FBXL7: variants seen among roughly 807,000 people sequenced by gnomAD.
FBXL7 encodes F-box/LRR-repeat protein 7.
FBXL7 carries 12 observed loss-of-function variants against 38.3 expected under a neutral mutation model. The observed-to-expected ratio is 0.31, with a 90% CI of 0.20 to 0.51. FBXL7 has a LOEUF of 0.51. Ranked by LOEUF, FBXL7 falls within the 20% of genes least tolerant of loss-of-function variation. The pLI is 0.98. For missense variants in FBXL7, 567 were observed against 676.4 expected (o/e 0.84, Z 1.79); for synonymous variants, 297 against 300.9 (o/e 0.99, Z 0.13).
chr5:15,679,686 C>T (rs978180321), intron 2 of FBXL7, among the ~76,000 whole-genome samples: 11 of 151,340 alleles, frequency 7.3e-5, no homozygotes, highest in Admixed American at 3.3e-4. Flanking sequence ...TACTGGAGTA[C>T]CCCCCAAAAA....
At chr5:15,593,019 G>A (rs569462234) in intron 1 of FBXL7, among the ~76,000 whole-genome samples, 6 of 152,304 alleles carry the variant, frequency 3.9e-5, no homozygotes, top group South Asian at 2.1e-4. Context: ...TACTTAAGGC[G>A]AGGCAGTAAA....
chr5:15,518,522 A>C lies in FBXL7; in HGVS notation c.37+17809A>C, dbSNP rs537880950. ...ACGTTTGAATTGTGGCTGGGATATA[A>C]TGCCTGAAGAGGAGGGTGAGGCTTT... is the stretch of plus-strand genomic sequence containing the variant. On this transcript the variant is annotated intron_variant, in intron 1 of 3. Coordinates refer to ENST00000504595, the MANE Select transcript of FBXL7 (RefSeq NM_012304.5). Among the ~76,000 whole-genome samples the C allele has an allele frequency of 2.4e-4, 37 of 152,284 alleles. 1 individual carries two copies. The South Asian group carries it at 7.7e-3, about 32-fold the overall frequency.
chr5:15,617,111 C>A (rs369013573), intron 2 of FBXL7, among the ~76,000 whole-genome samples: 23 of 152,330 alleles, frequency 1.5e-4, no homozygotes, highest in African/African-American at 5.3e-4. Flanking sequence ...TGGTTTACAT[C>A]TGCTGGTATG....
chr5:15,551,923 G>A (rs1334114525), intron 1 of FBXL7, among the ~76,000 whole-genome samples: 2 of 152,056 alleles, frequency 1.3e-5, no homozygotes, highest in Admixed American at 6.5e-5. Context: ...CTCCTCTGTC[G>A]TCTTGTTCTT....
intron 2 of FBXL7, among the ~76,000 whole-genome samples, chr5:15,770,572 C>T (rs546568640): frequency 6.6e-6 from 1 of 152,280 alleles, no homozygotes; most frequent in African/African-American, 2.4e-5. Context: ...TACCTCCAGA[C>T]TTTTTCATAT....
intron 1 of FBXL7, among the ~76,000 whole-genome samples, chr5:15,518,252 CCA>C (rs1737000239): frequency 6.6e-6 from 1 of 152,108 alleles, no homozygotes; most frequent in African/African-American, 2.4e-5. Flanking sequence ...CAGACATGAG[CCA>C]CCGTGCCCGG....
At chr5:15,816,202 T>C (rs925338127) in intron 2 of FBXL7, among the ~76,000 whole-genome samples, 1 of 151,974 alleles carries the variant, frequency 6.6e-6, no homozygotes, top group African/African-American at 2.4e-5. Context: ...AGATATGAAA[T>C]GAACCTAAGT....
chr5:15,863,372 T>C (rs970668695), intron 2 of FBXL7, among the ~76,000 whole-genome samples: 1 of 152,214 alleles, frequency 6.6e-6, no homozygotes, highest in Non-Finnish European at 1.5e-5. Flanking sequence ...AAAGTCTTTT[T>C]TCATGTGCTT....
In FBXL7 at chr5:15,637,450, CAAAG is replaced by C. The variant is rs1478212092; in HGVS notation, c.127+21383_127+21386del. On this transcript the variant is annotated intron_variant, in intron 2 of 3. Coordinates refer to ENST00000504595, the MANE Select transcript of FBXL7 (RefSeq NM_012304.5). ...TAGGCAGGTAATGTGGGAAGCATGT[CAAAG>C]AAAGCAGAAAGCAAATGACAAAAGT... is the stretch of plus-strand genomic sequence containing the variant. Among the ~76,000 whole-genome samples, 13 of 152,226 alleles carry C rather than the reference CAAAG, an allele frequency of 8.5e-5. No individual in the cohort carries two copies. In the East Asian group the frequency reaches 2.5e-3, roughly 29 times the overall value.
intron 1 of FBXL7, among the ~76,000 whole-genome samples, chr5:15,553,086 A>C (rs1273024874): frequency 1.4e-5 from 2 of 146,794 alleles, no homozygotes; most frequent in South Asian, 2.2e-4. Flanking sequence ...ATGTCAAAAA[A>C]AAAAAACAAA....
chr5:15,711,578 G>A (rs1015186473), intron 2 of FBXL7, among the ~76,000 whole-genome samples: 1 of 152,176 alleles, frequency 6.6e-6, no homozygotes, highest in African/African-American at 2.4e-5. Flanking sequence ...GTCAGGGCCT[G>A]AATTAAGTAG....
chr5:15,591,802 C>T (rs1346722071), intron 1 of FBXL7, among the ~76,000 whole-genome samples: 1 of 152,098 alleles, frequency 6.6e-6, no homozygotes, highest in African/African-American at 2.4e-5. Context: ...CCTCCACCTC[C>T]CGGGTTCAAG....
chr5:15,608,828 GCATACA>G (rs1740123178), intron 1 of FBXL7, among the ~76,000 whole-genome samples: 1 of 152,140 alleles, frequency 6.6e-6, no homozygotes, highest in Non-Finnish European at 1.5e-5. Flanking sequence ...ATTCACACAT[GCATACA>G]CATACACATA....
chr5:15,717,109 A>T (rs1401800362), intron 2 of FBXL7, among the ~76,000 whole-genome samples: 7 of 152,200 alleles, frequency 4.6e-5, no homozygotes, highest in Non-Finnish European at 1.0e-4. Context: ...ATCTTCAAAG[A>T]CTTACAGATA....
intron 2 of FBXL7, among the ~76,000 whole-genome samples, chr5:15,683,714 G>C (rs1327583184): frequency 6.6e-6 from 1 of 152,110 alleles, no homozygotes; most frequent in Non-Finnish European, 1.5e-5. Context: ...AAGTAGTTTA[G>C]ACCTTGGAAA....
chr5:15,570,244 A>G (rs1315048482), intron 1 of FBXL7, among the ~76,000 whole-genome samples: 1 of 152,150 alleles, frequency 6.6e-6, no homozygotes, highest in Non-Finnish European at 1.5e-5. Context: ...TTGGTAAGCT[A>G]TTAATTCTTG....
At chr5:15,873,941 C>A (rs1740086738) in intron 2 of FBXL7, among the ~76,000 whole-genome samples, 1 of 152,114 alleles carries the variant, frequency 6.6e-6, no homozygotes. Context: ...ATCCTAATAA[C>A]AAAACCTGGC....
chr5:15,670,252 T>G (rs902548448), intron 2 of FBXL7, among the ~76,000 whole-genome samples: 1 of 152,194 alleles, frequency 6.6e-6, no homozygotes, highest in Non-Finnish European at 1.5e-5. Flanking sequence ...GCACAGAAAT[T>G]AAGTTTCTTA....
intron 1 of FBXL7, among the ~76,000 whole-genome samples, chr5:15,548,784 AT>A (rs1737985462): frequency 1.3e-5 from 2 of 152,214 alleles, no homozygotes; most frequent in South Asian, 4.1e-4. Context: ...AGGGAAAAAT[AT>A]TCATTTATTT....
Sources: allele counts gnomAD v4.1 joint callset (sites outside exome capture counted in the v4.1 genomes callset), GRCh38; gene constraint gnomAD v4.1.1; transcripts MANE v1.5; gene names NCBI Gene and HGNC (gene_info 2026-07-23, HGNC 2026-07-21).